The following CNTNAP2 variants were observed in gnomAD, a reference collection of about 807,000 sequenced individuals.
CNTNAP2 encodes the protein contactin associated protein 2, also known as contactin-associated protein-like 2.
In CNTNAP2, 98 loss-of-function variants were observed where a neutral mutation model predicts 155.2. The observed-to-expected ratio is 0.63, with a 90% CI of 0.54 to 0.75. CNTNAP2 has a LOEUF of 0.75. Ranked by LOEUF, CNTNAP2 falls within the 30% of genes least tolerant of loss-of-function variation. CNTNAP2 has a pLI of 0.00. For missense variants in CNTNAP2, 1,727 were observed against 1,688.1 expected, an observed-to-expected ratio of 1.02 and a Z score of -0.40; for synonymous variants, 651 against 631.2, an observed-to-expected ratio of 1.03 and a Z score of -0.47.
At chr7:148,203,786 T>C (rs1795404318) in intron 18 of CNTNAP2, among the ~76,000 whole-genome samples, 1 of 151,978 alleles carries the variant, frequency 6.6e-6, no homozygotes, top group Non-Finnish European at 1.5e-5. Flanking sequence ...AATTTCTAAG[T>C]CTGGTTTTCA....
chr7:146,491,243 A>G (rs1197823554), intron 1 of CNTNAP2, among the ~76,000 whole-genome samples: 1 of 152,112 alleles, frequency 6.6e-6, no homozygotes, highest in Non-Finnish European at 1.5e-5. Context: ...TCATCACAGA[A>G]TGGAATCTTG....
intron 1 of CNTNAP2, among the ~76,000 whole-genome samples, chr7:146,764,180 A>G (rs551007596): frequency 1.3e-5 from 2 of 152,278 alleles, no homozygotes; most frequent in East Asian, 3.9e-4. Flanking sequence ...CTTTAAGAGT[A>G]CTCAAGTTCA....
At chr7:147,916,979 C>T (rs1338708979) in intron 14 of CNTNAP2, among the ~76,000 whole-genome samples, 1 of 152,162 alleles carries the variant, frequency 6.6e-6, no homozygotes, top group Non-Finnish European at 1.5e-5. Context: ...CACCATTTTC[C>T]ATACATGGAT....
chr7:146,787,755 A>G (rs1802601247), intron 2 of CNTNAP2, among the ~76,000 whole-genome samples: 1 of 152,158 alleles, frequency 6.6e-6, no homozygotes, highest in Non-Finnish European at 1.5e-5. Flanking sequence ...CATTTTACAG[A>G]GAGCCGATTG....
chr7:146,973,749 A>G (rs747602702), intron 3 of CNTNAP2, among the ~76,000 whole-genome samples: 70 of 152,226 alleles, frequency 4.6e-4, no homozygotes, highest in Admixed American at 2.6e-3. Flanking sequence ...CATGGTTAGT[A>G]AATTTCCTGG....
At chr7:147,372,361 G>T (rs1198144039) in intron 9 of CNTNAP2, among the ~76,000 whole-genome samples, 1 of 152,058 alleles carries the variant, frequency 6.6e-6, no homozygotes, top group African/African-American at 2.4e-5. Context: ...GACAGACACA[G>T]GCTATTCTGG....
intron 21 of CNTNAP2, among the ~76,000 whole-genome samples, chr7:148,326,092 C>G (rs771869610): frequency 6.6e-6 from 1 of 151,924 alleles, no homozygotes; most frequent in Non-Finnish European, 1.5e-5. Context: ...TGCAGACACC[C>G]AAGTGCACCC....
chr7:148,396,456 G>A (rs536224981), intron 22 of CNTNAP2, among the ~76,000 whole-genome samples: 5 of 152,100 alleles, frequency 3.3e-5, no homozygotes, highest in Non-Finnish European at 4.4e-5. Context: ...CTTCTTTTAC[G>A]GCCTCATTTA....
intron 13 of CNTNAP2, among the ~76,000 whole-genome samples, chr7:147,765,010 C>T (rs111289195): frequency 7.2e-5 from 11 of 152,056 alleles, no homozygotes; most frequent in African/African-American, 2.4e-4. Flanking sequence ...TGAAGCTGGT[C>T]GAATTTAATT....
chr7:146,957,961 G>T (rs992640741), intron 3 of CNTNAP2, among the ~76,000 whole-genome samples: 1 of 152,066 alleles, frequency 6.6e-6, no homozygotes. Flanking sequence ...TATCAAGAAT[G>T]ATTTAGATGT....
At chr7:146,470,188 A>G (rs1028514727) in intron 1 of CNTNAP2, among the ~76,000 whole-genome samples, 15 of 152,238 alleles carry the variant, frequency 9.9e-5, no homozygotes, top group Non-Finnish European at 1.9e-4. Context: ...TATAAATTTA[A>G]TCACACATTT....
intron 3 of CNTNAP2, among the ~76,000 whole-genome samples, chr7:147,022,576 A>T (rs905305713): frequency 3.3e-5 from 5 of 151,060 alleles, no homozygotes; most frequent in African/African-American, 9.7e-5. Flanking sequence ...ACACATGTAT[A>T]TGTACTATAT....
intron 9 of CNTNAP2, among the ~76,000 whole-genome samples, chr7:147,304,485 G>A (rs147659374): frequency 1.3e-5 from 2 of 152,196 alleles, no homozygotes; most frequent in Admixed American, 1.3e-4. Context: ...AATTTTCTTT[G>A]TTGTGGTCAT....
chr7:146,908,925 AAGAG>A (rs924356220), intron 3 of CNTNAP2, among the ~76,000 whole-genome samples: 10 of 149,302 alleles, frequency 6.7e-5, no homozygotes, highest in Non-Finnish European at 7.4e-5. Flanking sequence ...TAAAGAAAAA[AAGAG>A]AGAAGAATCA....
At chr7:147,576,123 C>T (rs111717141) in intron 12 of CNTNAP2, among the ~76,000 whole-genome samples, 4,696 of 151,260 alleles carry the variant, frequency 0.031, 110 homozygotes, top group African/African-American at 0.047. Context: ...TTTTTCTTCT[C>T]TCTATGATTT....
chr7:146,465,799 ATGT>A (rs1486816640), intron 1 of CNTNAP2, among the ~76,000 whole-genome samples: 2 of 152,264 alleles, frequency 1.3e-5, no homozygotes, highest in Admixed American at 6.5e-5. Flanking sequence ...TATTTGGTTT[ATGT>A]TGTTGTTTTT....
intron 8 of CNTNAP2, among the ~76,000 whole-genome samples, chr7:147,287,552 C>T (rs1805208005): frequency 6.6e-6 from 1 of 152,030 alleles, no homozygotes; most frequent in Non-Finnish European, 1.5e-5. Context: ...CAAGGTTCAG[C>T]CTAAACTCTC....
chr7:146,778,452 G>A (rs1389207623), intron 2 of CNTNAP2, among the ~76,000 whole-genome samples: 1 of 152,124 alleles, frequency 6.6e-6, no homozygotes, highest in Non-Finnish European at 1.5e-5. Flanking sequence ...GTCTTTTGGA[G>A]CTCATTGTTT....
At chr7:147,668,160 C>A (rs1795730003) in intron 13 of CNTNAP2, among the ~76,000 whole-genome samples, 1 of 151,922 alleles carries the variant, frequency 6.6e-6, no homozygotes, top group African/African-American at 2.4e-5. Context: ...GAAAAGGAAA[C>A]TGCAGGAGAA....
Sources: allele counts gnomAD v4.1 joint callset (sites outside exome capture counted in the v4.1 genomes callset), GRCh38; gene constraint gnomAD v4.1.1; transcripts MANE v1.5; gene names NCBI Gene and HGNC (gene_info 2026-07-23, HGNC 2026-07-21).